BLTP3B: variants seen among roughly 807,000 people sequenced by gnomAD.
The protein encoded by BLTP3B is UHRF1 (ICBP90) binding protein 1-like.
chr12:100,068,931 G>A, the BLTP3B span, among the ~76,000 whole-genome samples: 1,515 of 152,290 alleles, frequency 9.9e-3, 11 homozygotes, highest in Middle Eastern at 0.027. Context: ...AAACAGTGTG[G>A]AGATTCCTTA....
At chr12:100,058,435 G>A in the BLTP3B span, 5 of 1,612,858 alleles carry the variant, frequency 3.1e-6, no homozygotes, top group Non-Finnish European at 4.2e-6. Context: ...GATTTAAAAA[G>A]CAAAGGATCC....
chr12:100,111,040 A>G, the BLTP3B span, among the ~76,000 whole-genome samples: 1 of 152,166 alleles, frequency 6.6e-6, no homozygotes, highest in South Asian at 2.1e-4. Flanking sequence ...GGATATCTAC[A>G]AGAAAAAAAG....
chr12:100,077,264 T>C, the BLTP3B span, among the ~76,000 whole-genome samples: 1 of 152,190 alleles, frequency 6.6e-6, no homozygotes, highest in African/African-American at 2.4e-5. Flanking sequence ...CGGTATTCAA[T>C]ACAGTAACAT....
chr12:100,079,099 CCA>C, the BLTP3B span, among the ~76,000 whole-genome samples: 1 of 152,082 alleles, frequency 6.6e-6, no homozygotes. Flanking sequence ...TATAAATTGC[CCA>C]GTCTTGGGTA....
At chr12:100,050,309 C>G in the BLTP3B span, 6 of 1,599,080 alleles carry the variant, frequency 3.8e-6, no homozygotes, top group Non-Finnish European at 5.1e-6. Flanking sequence ...TTAAATACCA[C>G]AACGGACATC....
At chr12:100,117,012 G>A in the BLTP3B span, among the ~76,000 whole-genome samples, 1 of 152,066 alleles carries the variant, frequency 6.6e-6, no homozygotes, top group South Asian at 2.1e-4. Context: ...AACAGTACTG[G>A]ATAATAACAC....
chr12:100,092,839 T>C, the BLTP3B span: 1 of 932,550 alleles, frequency 1.1e-6, no homozygotes, highest in Non-Finnish European at 1.3e-6. Flanking sequence ...GATGGTAATA[T>C]TGCAAAATAG....
chr12:100,135,425 C>T, the BLTP3B span, among the ~76,000 whole-genome samples: 2 of 151,920 alleles, frequency 1.3e-5, no homozygotes, highest in Non-Finnish European at 2.9e-5. Flanking sequence ...CGCACCACCA[C>T]GCTCGGCCAA....
chr12:100,127,989 G>A, the BLTP3B span, among the ~76,000 whole-genome samples: 3 of 151,904 alleles, frequency 2.0e-5, no homozygotes, highest in African/African-American at 7.3e-5. Context: ...CTCTAGCCTG[G>A]GCAACAGAGC....
At chr12:100,128,638 G>C in the BLTP3B span, 2 of 1,286,396 alleles carry the variant, frequency 1.6e-6, no homozygotes, top group Non-Finnish European at 1.0e-6. Context: ...GCAGTCAGTT[G>C]CCAGGGTTTC....
At chr12:100,039,816 T>A in the BLTP3B span, 6 of 1,577,882 alleles carry the variant, frequency 3.8e-6, no homozygotes, top group African/African-American at 8.1e-5. Flanking sequence ...CATGCTCAGA[T>A]AACATTTCCA....
the BLTP3B span, chr12:100,084,584 G>A: frequency 6.2e-7 from 1 of 1,614,064 alleles, no homozygotes. Context: ...TCAAATTCAT[G>A]CAATAACTCA....
At chr12:100,126,532 A>G in the BLTP3B span, among the ~76,000 whole-genome samples, 1 of 152,122 alleles carries the variant, frequency 6.6e-6, no homozygotes, top group African/African-American at 2.4e-5. Flanking sequence ...GAGGAGCTCT[A>G]CTTTTGTCTA....
the BLTP3B span, chr12:100,058,739 T>G: frequency 6.2e-7 from 1 of 1,613,952 alleles, no homozygotes; most frequent in Non-Finnish European, 8.5e-7. Flanking sequence ...CAGTTACAGC[T>G]TCTACATCTT....
the BLTP3B span, among the ~76,000 whole-genome samples, chr12:100,076,038 C>A: frequency 6.6e-6 from 1 of 151,904 alleles, no homozygotes. Flanking sequence ...GATAATCACA[C>A]CCTGAACCTC....
At chr12:100,072,887 G>T in the BLTP3B span, 2 of 1,467,426 alleles carry the variant, frequency 1.4e-6, no homozygotes, top group South Asian at 2.9e-5. Flanking sequence ...AACCCAGACA[G>T]TACTTTTAAA....
chr12:100,101,828 G>C, the BLTP3B span, among the ~76,000 whole-genome samples: 1 of 152,182 alleles, frequency 6.6e-6, no homozygotes, highest in Non-Finnish European at 1.5e-5. Flanking sequence ...TTTTGAGACA[G>C]AGTCTCTCTC....
the BLTP3B span, chr12:100,058,868 T>C: frequency 3.1e-6 from 5 of 1,613,960 alleles, no homozygotes; most frequent in South Asian, 5.5e-5. Context: ...GATGAATATC[T>C]GCCTCTGACG....
the BLTP3B span, among the ~76,000 whole-genome samples, chr12:100,069,428 G>A: frequency 6.6e-6 from 1 of 151,266 alleles, no homozygotes; most frequent in Non-Finnish European, 1.5e-5. Context: ...GTGTTTGTGT[G>A]TGTGTATGTA....
Sources: gnomAD v4.1 joint callset for allele counts (sites outside exome capture counted in the v4.1 genomes callset) on GRCh38, gnomAD v4.1.1 for gene constraint, MANE v1.5 for transcripts, NCBI Gene and HGNC (gene_info 2026-07-23, HGNC 2026-07-21) for gene names.